ZNF654: variants seen among roughly 807,000 people sequenced by gnomAD.
ZNF654 encodes the protein melanoma-associated antigen.
In ZNF654, 19 loss-of-function variants were observed where a neutral mutation model predicts 95.3. The ratio of observed to expected loss-of-function variants is 0.20; its 90% confidence interval spans 0.14 to 0.29. The LOEUF (loss-of-function observed/expected upper bound fraction) is 0.29. ZNF654 is among the 10% of genes least tolerant of loss of function. The pLI, the probability that ZNF654 is intolerant of heterozygous loss-of-function variation, is 1.00. For missense variants in ZNF654, 1,046 were observed against 1,341.0 expected, an observed-to-expected ratio of 0.78 and a Z score of 3.44; for synonymous variants, 413 against 457.9, an observed-to-expected ratio of 0.90 and a Z score of 1.25.
intron 1 of ZNF654, among the ~76,000 whole-genome samples, chr3:88,072,418 G>A (rs1282816353): frequency 6.6e-6 from 1 of 152,056 alleles, no homozygotes; most frequent in Non-Finnish European, 1.5e-5. Flanking sequence ...GTACTGCAGG[G>A]CTCCATAATC....
intron 1 of ZNF654, among the ~76,000 whole-genome samples, chr3:88,064,789 C>G (rs1012685147): frequency 6.6e-6 from 1 of 152,102 alleles, no homozygotes; most frequent in African/African-American, 2.4e-5. Flanking sequence ...GTGGAGTTTT[C>G]AAGTAGGATC....
intron 3 of ZNF654, among the ~76,000 whole-genome samples, chr3:88,118,756 A>G (rs555771215): frequency 6.6e-6 from 1 of 152,334 alleles, no homozygotes; most frequent in African/African-American, 2.4e-5. Flanking sequence ...CTGTGCTACC[A>G]TATTTTCTGC....
chr3:88,088,467 G>T (rs184337149), intron 2 of ZNF654, among the ~76,000 whole-genome samples: 9 of 152,102 alleles, frequency 5.9e-5, no homozygotes, highest in Admixed American at 1.3e-4. Context: ...TCAGTATCAC[G>T]CTGTGTGAAA....
intron 4 of ZNF654, among the ~76,000 whole-genome samples, chr3:88,127,173 A>G (rs1426513559): frequency 1.3e-5 from 2 of 152,310 alleles, no homozygotes. Context: ...GGGGAAAAAA[A>G]CAAGACCTCC....
At chr3:88,119,390 TGG>T (rs1559722823) in intron 3 of ZNF654, among the ~76,000 whole-genome samples, 1 of 41,958 alleles carries the variant, frequency 2.4e-5, no homozygotes, top group Non-Finnish European at 4.3e-5. Flanking sequence ...TGTTGTGGGG[TGG>T]GGGGAGGGGG....
At chr3:88,088,238 A>G (rs1374123928) in intron 2 of ZNF654, among the ~76,000 whole-genome samples, 2 of 152,210 alleles carry the variant, frequency 1.3e-5, no homozygotes, top group African/African-American at 4.8e-5. Flanking sequence ...TCATGCTCAT[A>G]GGGCTCCCAA....
In ZNF654 at chr3:88,121,642, TA is replaced by T. The variant is rs377737945; in HGVS notation, c.415-4490del. On this transcript the variant is annotated intron_variant, in intron 3 of 8. Transcript: ENST00000636215. ...AAATGCATAACATCCTTAAATTTTA[TA>T]ACTTTATGAAGTGCTTTGCTATGAG... Among the ~76,000 whole-genome samples, 78 of 152,338 alleles carry T rather than the reference TA, an allele frequency of 5.1e-4. No individual in the cohort carries two copies. In the East Asian group the frequency reaches 0.012, roughly 24 times the overall value.
At chr3:88,126,887 C>A in intron 4 of ZNF654, among the ~76,000 whole-genome samples, 1 of 152,112 alleles carries the variant, frequency 6.6e-6, no homozygotes, top group East Asian at 1.9e-4. Flanking sequence ...TTGTCTTATA[C>A]CCTTACTACC....
intron 1 of ZNF654, among the ~76,000 whole-genome samples, chr3:88,069,240 G>C (rs1285410137): frequency 6.6e-6 from 1 of 152,138 alleles, no homozygotes; most frequent in Non-Finnish European, 1.5e-5. Flanking sequence ...TGGCCAACAT[G>C]GTGAAACCCC....
intron 2 of ZNF654, among the ~76,000 whole-genome samples, chr3:88,088,101 C>T (rs756841600): frequency 1.2e-3 from 180 of 152,268 alleles, no homozygotes; most frequent in Non-Finnish European, 1.4e-3. Context: ...TTTATTTCCT[C>T]TATATAAATT....
At chr3:88,129,074 A>G in intron 5 of ZNF654, 63 bp downstream of exon 5, 1 of 1,235,196 alleles carries the variant, frequency 8.1e-7, no homozygotes, top group Non-Finnish European at 1.1e-6. Context: ...AACCAAAAAA[A>G]AAAAGTAGCC....
intron 2 of ZNF654, chr3:88,095,803 C>A (rs566229585): frequency 1.6e-5 from 7 of 441,970 alleles, no homozygotes; most frequent in Middle Eastern, 6.9e-4. Flanking sequence ...TAAAGGCAAT[C>A]CAAGTTTTTC....
chr3:88,101,855 T>C (rs1704446849), intron 2 of ZNF654, among the ~76,000 whole-genome samples: 1 of 152,206 alleles, frequency 6.6e-6, no homozygotes, highest in East Asian at 1.9e-4. Context: ...GCCATTTTAA[T>C]GGTTATACAG....
At chr3:88,122,802 G>A (rs112390903) in intron 3 of ZNF654, among the ~76,000 whole-genome samples, 1 of 152,024 alleles carries the variant, frequency 6.6e-6, no homozygotes, top group African/African-American at 2.4e-5. Flanking sequence ...CTGAGGTGAG[G>A]AGTTCGATAC....
chr3:88,135,444 T>A lies in ZNF654; in HGVS notation c.1035+242T>A, dbSNP rs73844886. On this transcript the variant is annotated intron_variant, in intron 7 of 8. Transcript: ENST00000636215. ...GCTTCCATTACAACCTTTTTTCTTA[T>A]AATTAAATATTTGTTACTTTCAATA... is the stretch of plus-strand genomic sequence containing the variant. 545 of 283,600 alleles carry A rather than the reference T, an allele frequency of 1.9e-3. 3 individuals carry two copies. Among genetic ancestry groups the A allele is most frequent in the African/African-American group, 0.011 (508 of 46,246 alleles). The allele number at this position is 283,600 out of a possible 1,614,324, so 17.6% of individuals were successfully genotyped here.
At chr3:88,084,479 G>C (rs935121708) in intron 1 of ZNF654, among the ~76,000 whole-genome samples, 10 of 152,180 alleles carry the variant, frequency 6.6e-5, no homozygotes, top group African/African-American at 2.4e-4. Context: ...TTAGTCTGTA[G>C]TGATGACCGC....
chr3:88,102,020 T>C (rs1016392411), intron 2 of ZNF654, among the ~76,000 whole-genome samples: 7 of 151,470 alleles, frequency 4.6e-5, no homozygotes, highest in Admixed American at 1.3e-4. Flanking sequence ...TACTGAGTTC[T>C]AAGAATTCTT....
chr3:88,082,824 G>C (rs1451570996), intron 1 of ZNF654, among the ~76,000 whole-genome samples: 1 of 152,164 alleles, frequency 6.6e-6, no homozygotes, highest in Non-Finnish European at 1.5e-5. Context: ...AAAATGCTTG[G>C]TGGCTTAAAC....
At position 88,107,738 on chromosome 3, in the gene ZNF654, G is replaced by A. The variant is rs113629099; in HGVS notation, c.333-5377G>A. ...CAGTGTACCAATTTTTTCTTCAGGT[G>A]TATCTAATCATCCATAAGATCTGCC... On this transcript the variant is annotated intron_variant, in intron 2 of 8. Coordinates refer to ENST00000636215, the MANE Select transcript of ZNF654 (RefSeq NM_001350134.2). Among the ~76,000 whole-genome samples, 883 of 152,178 alleles carry A rather than the reference G, an allele frequency of 5.8e-3. 9 individuals carry two copies. Among genetic ancestry groups the A allele is most frequent in the South Asian group, 0.042 (201 of 4,822 alleles).
Sources: gnomAD v4.1 joint callset for allele counts (sites outside exome capture counted in the v4.1 genomes callset) on GRCh38, gnomAD v4.1.1 for gene constraint, MANE v1.5 for transcripts, NCBI Gene and HGNC (gene_info 2026-07-23, HGNC 2026-07-21) for gene names.